CDH23: variants seen among roughly 807,000 people sequenced by gnomAD.
CDH23 encodes the protein cadherin-23.
Under a neutral mutation model 317.1 loss-of-function variants are expected in CDH23, and 189 were observed. The observed-to-expected ratio is 0.60, with a 90% CI of 0.53 to 0.67. CDH23 has a LOEUF of 0.67. CDH23 is among the 30% of genes least tolerant of loss of function. The pLI is 0.00. For synonymous variants in CDH23, 1,839 were observed against 1,876.8 expected (o/e 0.98, Z 0.52); for missense variants, 4,401 against 4,592.4 (o/e 0.96, Z 1.20).
At chr10:71,716,104 G>T (rs1866214454) in intron 28 of CDH23, 4 of 1,543,368 alleles carry the variant, frequency 2.6e-6, no homozygotes, top group Admixed American at 4.0e-5. Flanking sequence ...GGCTCCCAGG[G>T]TGGTGGGGCA....
chr10:71,806,122 T>A, intron 56 of CDH23, 46 bp from the exon 57 acceptor site: 1 of 1,537,462 alleles, frequency 6.5e-7, no homozygotes. Context: ...CCCAAGCCAA[T>A]CCCCTCTCCC....
intron 31 of CDH23, 116 bp downstream of exon 31, chr10:71,730,720 T>C: frequency 1.4e-6 from 2 of 1,454,432 alleles, no homozygotes; most frequent in South Asian, 1.2e-5. Flanking sequence ...CATTTAGCCA[T>C]GTCTAGGCCA....
chr10:71,647,902 T>C (rs1862971270), intron 14 of CDH23: 1 of 152,164 alleles, frequency 6.6e-6, no homozygotes, highest in African/African-American at 2.4e-5. Context: ...TCACGGAGTT[T>C]AACTCATTGC....
chr10:71,677,093 T>C (rs1864402694), intron 15 of CDH23, among the ~76,000 whole-genome samples: 1 of 152,188 alleles, frequency 6.6e-6, no homozygotes, highest in Admixed American at 6.5e-5. Context: ...ATTCCTAGCA[T>C]TCTGGTGCAA....
At chr10:71,456,730 T>G (rs1850716067) in intron 3 of CDH23, among the ~76,000 whole-genome samples, 1 of 152,198 alleles carries the variant, frequency 6.6e-6, no homozygotes, top group African/African-American at 2.4e-5. Flanking sequence ...ATACTTAATC[T>G]CTCTAGATCA....
intron 18 of CDH23, among the ~76,000 whole-genome samples, chr10:71,684,182 T>C (rs1864777810): frequency 6.6e-6 from 1 of 150,884 alleles, no homozygotes; most frequent in Non-Finnish European, 1.5e-5. Context: ...CGATAATGCA[T>C]TCCCTGGCAG....
chr10:71,668,331 G>A (rs961310298), intron 14 of CDH23, among the ~76,000 whole-genome samples: 2 of 152,188 alleles, frequency 1.3e-5, no homozygotes, highest in African/African-American at 4.8e-5. Flanking sequence ...CTTCAACAGG[G>A]CGAGGAGGAT....
At chr10:71,540,064 G>C (rs1041196727) in intron 6 of CDH23, among the ~76,000 whole-genome samples, 1 of 152,192 alleles carries the variant, frequency 6.6e-6, no homozygotes, top group Non-Finnish European at 1.5e-5. Context: ...GTGTGCTGGT[G>C]GGGGCAGTCC....
chr10:71,435,424 G>A (rs532169534), intron 1 of CDH23, among the ~76,000 whole-genome samples: 1 of 152,300 alleles, frequency 6.6e-6, no homozygotes, highest in South Asian at 2.1e-4. Flanking sequence ...ATGGCCCTAT[G>A]TCCTCCCACT....
rs988778282 is a variant in CDH23 at position 71,777,754 on chromosome 10, G to C, written c.4920G>C (p.Glu1640Asp). 7 of 1,613,676 alleles carry C rather than the reference G, an allele frequency of 4.3e-6. No individual in the cohort carries two copies. The Admixed American group carries it at 1.2e-4, about 27-fold the overall frequency. ...CCATGTTCCAGCAGCCCCACTATGA[G>C]GTGCTGCTGGATGAGGGCCCAGACA... ...NAPMFQQPHY[E>D]VLLDEGPDTL... is the part of the protein sequence containing the mutation. Residue 1640 changes from glutamate to aspartate, a missense_variant, in exon 39 of 70, where the codon GAG (glutamate) becomes GAC (aspartate). Physicochemically the swap from Glu to Asp is conservative, Grantham distance 45 (BLOSUM62 2). Coordinates refer to ENST00000224721, the MANE Select transcript of CDH23 (RefSeq NM_022124.6).
At chr10:71,524,203 G>C (rs1854882601) in intron 6 of CDH23, among the ~76,000 whole-genome samples, 1 of 152,214 alleles carries the variant, frequency 6.6e-6, no homozygotes, top group South Asian at 2.1e-4. Context: ...GTGAAAGCAG[G>C]GGCAGGGACA....
At chr10:71,558,780 C>A (rs1304156373) in intron 6 of CDH23, among the ~76,000 whole-genome samples, 1 of 152,170 alleles carries the variant, frequency 6.6e-6, no homozygotes, top group Non-Finnish European at 1.5e-5. Flanking sequence ...GAGGGATCTG[C>A]AACATGTCAA....
At chr10:71,433,721 G>C (rs1291512561) in intron 1 of CDH23, among the ~76,000 whole-genome samples, 1 of 123,928 alleles carries the variant, frequency 8.1e-6, no homozygotes, top group Non-Finnish European at 1.9e-5. Flanking sequence ...ATCCTCCCAG[G>C]TGCTTGGGCT....
At chr10:71,435,769 G>A (rs1849588656) in intron 1 of CDH23, among the ~76,000 whole-genome samples, 1 of 152,240 alleles carries the variant, frequency 6.6e-6, no homozygotes, top group African/African-American at 2.4e-5. Context: ...AGGAGGCCAG[G>A]AGGCTGGGGG....
At chr10:71,544,224 C>T (rs367853604) in intron 6 of CDH23, among the ~76,000 whole-genome samples, 10 of 152,010 alleles carry the variant, frequency 6.6e-5, no homozygotes, top group Admixed American at 3.3e-4. Flanking sequence ...GAGAGGTGGA[C>T]GGGAGTAGCG....
chr10:71,670,404 C>A (rs574520266), intron 14 of CDH23, among the ~76,000 whole-genome samples: 1 of 152,330 alleles, frequency 6.6e-6, no homozygotes, highest in East Asian at 1.9e-4. Flanking sequence ...AAACTTCTCT[C>A]CTTCACAGGG....
chr10:71,689,152 T>TCAGGGGTGGTGGAGC (rs1564734156), intron 19 of CDH23, among the ~76,000 whole-genome samples: 2 of 80,272 alleles, frequency 2.5e-5, no homozygotes, highest in African/African-American at 4.8e-5. Flanking sequence ...GGTGGTGGAG[T>TCAGGGGTGGTGGAGC]CAGGGATGGT....
intron 34 of CDH23, among the ~76,000 whole-genome samples, chr10:71,736,350 T>C (rs1007289392): frequency 1.3e-5 from 2 of 152,086 alleles, no homozygotes; most frequent in Admixed American, 6.5e-5. Flanking sequence ...GGTGGAAACA[T>C]TTCCTCTGCT....
intron 6 of CDH23, among the ~76,000 whole-genome samples, chr10:71,554,364 AT>A (rs71480584): frequency 0.28 from 40,499 of 145,048 alleles, 5,483 homozygotes; most frequent in East Asian, 0.5. Context: ...CACTGGACTA[AT>A]TTTTTTTTTT....
Sources: gnomAD v4.1 joint callset for allele counts (sites outside exome capture counted in the v4.1 genomes callset) on GRCh38, gnomAD v4.1.1 for gene constraint, MANE v1.5 for transcripts, NCBI Gene and HGNC (gene_info 2026-07-23, HGNC 2026-07-21) for gene names.